Variants in MADD observed in about 807,000 individuals in gnomAD.
MADD encodes the protein MAP kinase-activating death domain protein.
In MADD, 109 loss-of-function variants were observed where a neutral mutation model predicts 176.7. The observed-to-expected ratio is 0.62, with a 90% CI of 0.53 to 0.72. The LOEUF (loss-of-function observed/expected upper bound fraction) is 0.72. MADD is among the 30% of genes least tolerant of loss of function. The probability of loss-of-function intolerance (pLI) is 0.00; values close to 1 mark genes in which losing one functional copy is unlikely to be tolerated. For synonymous variants in MADD, 771 were observed against 771.3 expected (o/e 1.00, Z 0.01); for missense variants, 1,914 against 2,045.5 (o/e 0.94, Z 1.24).
intron 22 of MADD, among the ~76,000 whole-genome samples, chr11:47,301,503 A>G (rs754429006): frequency 1.6e-4 from 25 of 152,112 alleles, no homozygotes; most frequent in Non-Finnish European, 2.9e-4. Context: ...TGCTTTCACA[A>G]TTCTTTGAGC....
At chr11:47,275,593 A>C (rs548463159) in intron 3 of MADD, among the ~76,000 whole-genome samples, 1 of 152,346 alleles carries the variant, frequency 6.6e-6, no homozygotes, top group East Asian at 1.9e-4. Context: ...CCCAGCCAAG[A>C]GTTAATCTTT....
In MADD at chr11:47,295,718, G is replaced by GT. The variant is rs2139282813; in HGVS notation, c.3483+143dup. 6 of 1,542,714 alleles carry GT rather than the reference G, an allele frequency of 3.9e-6. No individual in the cohort carries two copies. The East Asian group carries it at 1.4e-4, about 35-fold the overall frequency. ...ATGGTGGAGATGTTTACCATCATAG[G>GT]TGTGTGTATACGAGATTTCACCCAG... On this transcript the variant is annotated intron_variant, in intron 21 of 32. Transcript: ENST00000402192.
At chr11:47,303,987 T>C (rs985800192) in intron 22 of MADD, among the ~76,000 whole-genome samples, 1 of 152,150 alleles carries the variant, frequency 6.6e-6, no homozygotes, top group African/African-American at 2.4e-5. Context: ...CTCCCCAGAC[T>C]TGGGAAGTTT....
At chr11:47,289,415 A>G (rs1242483352) in exon 16 of MADD, 1 of 1,614,198 alleles carries the variant, frequency 6.2e-7, no homozygotes, top group Non-Finnish European at 8.5e-7. Flanking sequence ...TTAGTGGATC[A>G]GAAGTCATCT....
At chr11:47,299,962 G>A (rs1445882679) in intron 22 of MADD, among the ~76,000 whole-genome samples, 1 of 152,160 alleles carries the variant, frequency 6.6e-6, no homozygotes, top group Non-Finnish European at 1.5e-5. Flanking sequence ...TCTTGCTACA[G>A]ATTGTAGAGG....
At chr11:47,291,826 T>C (rs1343253915) in intron 19 of MADD, among the ~76,000 whole-genome samples, 1 of 152,196 alleles carries the variant, frequency 6.6e-6, no homozygotes, top group African/African-American at 2.4e-5. Flanking sequence ...TCATACTAAG[T>C]ACACTCTGAA....
chr11:47,282,391 G>A, exon 9 of MADD: 7 of 1,614,084 alleles, frequency 4.3e-6, no homozygotes, highest in Non-Finnish European at 5.9e-6. Flanking sequence ...GGTTGCCATG[G>A]TACGGTTCTT....
chr11:47,308,655 C>G (rs758669111), exon 23 of MADD: 2 of 1,613,950 alleles, frequency 1.2e-6, no homozygotes, highest in Non-Finnish European at 1.7e-6. Context: ...ATTCGTACTT[C>G]TGAAGATGTG....
At chr11:47,301,925 A>C (rs1051133505) in intron 22 of MADD, among the ~76,000 whole-genome samples, 3 of 152,124 alleles carry the variant, frequency 2.0e-5, no homozygotes, top group African/African-American at 7.2e-5. Context: ...CACCTGTTGG[A>C]TGGAATGTTC....
At chr11:47,307,130 T>A (rs1454013286) in intron 22 of MADD, among the ~76,000 whole-genome samples, 5 of 151,600 alleles carry the variant, frequency 3.3e-5, no homozygotes, top group Non-Finnish European at 7.4e-5. Flanking sequence ...CCCAGGCTGG[T>A]CTTGAACTTC....
At position 47,315,438 on chromosome 11, in the gene MADD, A is replaced by G. The variant is rs1318286078; in HGVS notation, c.4197+111A>G. 13 of 609,422 alleles carry G rather than the reference A, an allele frequency of 2.1e-5. 1 individual carries two copies. The highest frequency in any genetic ancestry group is 2.9e-5 in the Non-Finnish European group (10 of 340,068). The allele number at this position is 609,422 out of a possible 1,614,324, so 37.8% of individuals were successfully genotyped here. On this transcript the variant is annotated intron_variant, in intron 27 of 32. Transcript: ENST00000402192. ...TTTATCTCATTCATCTTCATGATCT[A>G]TTTATCATTAAATTATCAGATTGGT...
chr11:47,294,027 G>T, intron 20 of MADD, 44 bp downstream of exon 22: 5 of 1,414,738 alleles, frequency 3.5e-6, no homozygotes, highest in Non-Finnish European at 5.0e-6. Flanking sequence ...TAAATATGCT[G>T]TCTCAGAATA....
At chr11:47,271,833 C>A (rs779663417) in intron 1 of MADD, 2 of 151,982 alleles carry the variant, frequency 1.3e-5, no homozygotes, top group Non-Finnish European at 2.9e-5. Context: ...TTCTCTCCCC[C>A]TTGGATTCTG....
At chr11:47,307,078 A>AC (rs2083367758) in intron 22 of MADD, among the ~76,000 whole-genome samples, 1 of 86,008 alleles carries the variant, frequency 1.2e-5, no homozygotes, top group Non-Finnish European at 2.1e-5. Context: ...AGATTTTTAT[A>AC]CTTTTTTTTT....
chr11:47,325,860 C>T lies in MADD; in HGVS notation c.4543-878C>T, dbSNP rs557999191. Among the ~76,000 whole-genome samples the T allele has an allele frequency of 1.1e-4, 17 of 152,362 alleles. No individual in the cohort carries two copies. The East Asian group carries it at 3.3e-3, about 29-fold the overall frequency. ...ATCCAAGCCAGTCTGTGGTTGAAGG[C>T]TTGGCCCCTAGAAGATAGACTGCAG... is the stretch of plus-strand genomic sequence containing the variant. On this transcript the variant is annotated intron_variant, in intron 30 of 32. Coordinates refer to ENST00000402192, the Ensembl canonical transcript of MADD. The surrounding 1 kb of genome is among the most constrained non-coding windows in gnomAD (Gnocchi z 4.5).
At chr11:47,327,210 C>T (rs1346584999) in intron 31 of MADD, 56 of 1,003,692 alleles carry the variant, frequency 5.6e-5, no homozygotes, top group Admixed American at 3.3e-4. Flanking sequence ...GCCTCCCTGG[C>T]GCCGCTCTGG....
exon 2 of MADD, chr11:47,273,846 C>G: frequency 7.2e-7 from 1 of 1,386,938 alleles, no homozygotes; most frequent in Non-Finnish European, 1.0e-6. Context: ...TTCAGAATTC[C>G]TCCTGGGAAT....
At chr11:47,312,260 G>A (rs1224371586) in intron 26 of MADD, among the ~76,000 whole-genome samples, 1 of 152,004 alleles carries the variant, frequency 6.6e-6, no homozygotes, top group African/African-American at 2.4e-5. Context: ...TTGTTTGTTT[G>A]TTTTTTGAGA....
chr11:47,321,813 T>C (rs2094519427), intron 27 of MADD, among the ~76,000 whole-genome samples: 1 of 152,136 alleles, frequency 6.6e-6, no homozygotes, highest in African/African-American at 2.4e-5. Flanking sequence ...CATTTCAGGC[T>C]GGGGCAGCTG....
Sources: allele counts gnomAD v4.1 joint callset (sites outside exome capture counted in the v4.1 genomes callset), GRCh38; gene constraint gnomAD v4.1.1; non-coding constraint Gnocchi (gnomAD v3.1); transcripts MANE v1.5; gene names NCBI Gene and HGNC (gene_info 2026-07-23, HGNC 2026-07-21).